ANKRD12: variants seen among roughly 807,000 people sequenced by gnomAD.
ANKRD12 encodes ankyrin repeat domain-containing protein 12.
ANKRD12 carries 85 observed loss-of-function variants against 183.4 expected under a neutral mutation model. That is an observed-to-expected ratio of 0.46 (90% confidence interval 0.39 to 0.56). The LOEUF is 0.56. Among genes scored for constraint, ANKRD12 ranks in the 20% least tolerant of loss-of-function variants. The pLI is 0.00. For missense variants in ANKRD12, 2,405 were observed against 2,357.1 expected (o/e 1.02, Z -0.42); for synonymous variants, 914 against 800.2 (o/e 1.14, Z -2.40).
intron 1 of ANKRD12, among the ~76,000 whole-genome samples, chr18:9,157,798 G>A (rs78793004): frequency 1.3e-5 from 2 of 151,808 alleles, no homozygotes; most frequent in East Asian, 3.9e-4. Context: ...CTTACAAATC[G>A]ATAGGAAAAT....
intron 1 of ANKRD12, among the ~76,000 whole-genome samples, chr18:9,152,139 C>T (rs1247859625): frequency 6.6e-6 from 1 of 152,074 alleles, no homozygotes; most frequent in Non-Finnish European, 1.5e-5. Flanking sequence ...GACTTCTGGA[C>T]AAAAGGGTAG....
chr18:9,165,962 C>T (rs1162902639), intron 1 of ANKRD12, among the ~76,000 whole-genome samples: 1 of 147,630 alleles, frequency 6.8e-6, no homozygotes, highest in Non-Finnish European at 1.5e-5. Context: ...TGAGTGAGAA[C>T]ATGCACTGTT....
chr18:9,184,122 T>C (rs2144212573), intron 2 of ANKRD12, among the ~76,000 whole-genome samples: 1 of 152,326 alleles, frequency 6.6e-6, no homozygotes, highest in South Asian at 2.1e-4. Flanking sequence ...ATAACATCGA[T>C]TACATCTAGA....
chr18:9,157,549 G>A (rs936546443), intron 1 of ANKRD12, among the ~76,000 whole-genome samples: 4 of 102,756 alleles, frequency 3.9e-5, no homozygotes, highest in African/African-American at 2.3e-4. Flanking sequence ...TGGTGTGTGT[G>A]GGTGTGTGTG....
At chr18:9,275,735 C>A (rs1462820107) in intron 11 of ANKRD12, 68 bp downstream of exon 11, 72 of 1,383,134 alleles carry the variant, frequency 5.2e-5, no homozygotes, top group Non-Finnish European at 6.6e-5. Flanking sequence ...TTTTTAGAAT[C>A]TATTTCCATA....
At position 9,281,081 on chromosome 18, in the gene ANKRD12, T is replaced by A; in HGVS notation, c.6144T>A (p.Val2048=). 6.2e-7 allele frequency: 1 copy of A among 1,614,040 alleles called. No individual in the cohort carries two copies. The highest frequency in any genetic ancestry group is 8.5e-7 in the Non-Finnish European group (1 of 1,179,990). ...ISIYEIQEFY[V]PLVDVNDDFE... ...TTTACGAAATCCAGGAGTTTTATGT[T>A]CCCCTTGTTGATGTTAACGACGACT... The change falls in exon 13 of 13, where the codon GTT becomes GTA. Residue 2048 remains valine, a synonymous_variant. Transcript: ENST00000262126.
In ANKRD12 at chr18:9,258,497, G is replaced by T. The variant is rs1317797546; in HGVS notation, c.5230G>T (p.Ala1744Ser). ...RMTRNKANTM[A>S]NQSKQILASC... ...GACTAGAAACAAAGCAAATACAATG[G>T]CAAATCAAAGCAAACAGATTCTTGC... Residue 1744 changes from alanine (A) to serine (S), a missense_variant, in exon 9 of 13, where the codon GCA (alanine) becomes TCA (serine). Transcript: ENST00000262126. The T allele has an allele frequency of 6.2e-7, 1 of 1,613,558 alleles. No homozygotes were observed. The highest frequency in any genetic ancestry group is 8.5e-7 in the Non-Finnish European group (1 of 1,179,932).
chr18:9,140,757 A>G (rs111318246), intron 1 of ANKRD12, among the ~76,000 whole-genome samples: 59 of 152,320 alleles, frequency 3.9e-4, no homozygotes, highest in African/African-American at 1.4e-3. Flanking sequence ...TTCAATTGAT[A>G]ATCCTGGAAA....
chr18:9,273,068 G>A (rs1225974514), intron 10 of ANKRD12, among the ~76,000 whole-genome samples: 1 of 152,106 alleles, frequency 6.6e-6, no homozygotes, highest in African/African-American at 2.4e-5. Flanking sequence ...TTAAACTGGC[G>A]AGTTCCTGGA....
At chr18:9,183,774 T>C (rs2033863478) in intron 2 of ANKRD12, among the ~76,000 whole-genome samples, 2 of 152,340 alleles carry the variant, frequency 1.3e-5, no homozygotes, top group Non-Finnish European at 2.9e-5. Context: ...TTGATTACAG[T>C]ACTTAGTCCA....
chr18:9,188,202 G>C (rs2034229371), intron 2 of ANKRD12, among the ~76,000 whole-genome samples: 1 of 152,210 alleles, frequency 6.6e-6, no homozygotes, highest in Non-Finnish European at 1.5e-5. Context: ...CTTCTCACAA[G>C]GGGGATGCAG....
chr18:9,258,948 C>T lies in ANKRD12; in HGVS notation c.5664+17C>T. On this transcript the variant is annotated intron_variant, in intron 9 of 12. Coordinates refer to ENST00000262126, the MANE Select transcript of ANKRD12 (RefSeq NM_015208.5). ...ATTCCCACAGTAAGTAACATCATCA[C>T]TTGCTATACACCTGTAACACTGCCC... The T allele has an allele frequency of 6.3e-7, 1 of 1,586,662 alleles. No homozygotes were observed.
At chr18:9,227,679 T>C (rs1446880843) in intron 8 of ANKRD12, among the ~76,000 whole-genome samples, 1 of 152,192 alleles carries the variant, frequency 6.6e-6, no homozygotes, top group African/African-American at 2.4e-5. Flanking sequence ...TTTTCCCCTT[T>C]TTTCACTATA....
In ANKRD12 at chr18:9,219,642, C is replaced by T. The variant is rs2036303312; in HGVS notation, c.796-2210C>T. Among the ~76,000 whole-genome samples the T allele has an allele frequency of 2.0e-5, 3 of 151,854 alleles. No individual in the cohort carries two copies. In the South Asian group the frequency reaches 6.2e-4, roughly 31 times the overall value. On this transcript the variant is annotated intron_variant, in intron 7 of 12. Transcript: ENST00000262126. ...CAACAGTCCTTTAAAAATATAAAAACTATTCTTAGCTGGCAGACCAGGTTG... is the reference window on the plus strand; with the variant it reads ...CAACAGTCCTTTAAAAATATAAAAATTATTCTTAGCTGGCAGACCAGGTTG...
chr18:9,254,770 A>G lies in ANKRD12; in HGVS notation c.1503A>G (p.Thr501=). ...EKEGKENTRI[T]NLTVNTGLDC... ...AAGGAAAAGAAAATACAAGAATAAC[A>G]AACTTGACAGTAAATACTGGACTAG... The change falls in exon 9 of 13, where the codon ACA becomes ACG. Residue 501 remains threonine, a synonymous_variant. Coordinates refer to ENST00000262126, the MANE Select transcript of ANKRD12 (RefSeq NM_015208.5). 6.8e-7 allele frequency: 1 copy of G among 1,471,550 alleles called. No homozygotes were observed. Among genetic ancestry groups the G allele is most frequent in the Non-Finnish European group, 9.0e-7 (1 of 1,112,362 alleles). The allele number at this position is 1,471,550 out of a possible 1,614,324, so 91.2% of individuals were successfully genotyped here.
intron 8 of ANKRD12, among the ~76,000 whole-genome samples, chr18:9,241,024 G>T (rs982399082): frequency 1.3e-5 from 2 of 152,070 alleles, no homozygotes; most frequent in Non-Finnish European, 2.9e-5. Context: ...AGTTCTAATA[G>T]TTAATAAGAG....
chr18:9,234,346 G>A (rs1196205882), intron 8 of ANKRD12, among the ~76,000 whole-genome samples: 11 of 152,128 alleles, frequency 7.2e-5, no homozygotes, highest in African/African-American at 9.7e-5. Flanking sequence ...GCGGGGCGAC[G>A]GGGGATCTCT....
chr18:9,180,603 T>C (rs2033631786), intron 1 of ANKRD12, among the ~76,000 whole-genome samples: 1 of 152,170 alleles, frequency 6.6e-6, no homozygotes, highest in South Asian at 2.1e-4. Flanking sequence ...TTTTGTATAG[T>C]TATTATATAG....
At chr18:9,192,399 T>G (rs1356637727) in intron 2 of ANKRD12, among the ~76,000 whole-genome samples, 10 of 152,220 alleles carry the variant, frequency 6.6e-5, no homozygotes, top group Non-Finnish European at 1.3e-4. Flanking sequence ...TGAGCCCTGC[T>G]TGATTATAAT....
Sources: gnomAD v4.1 joint callset for allele counts (sites outside exome capture counted in the v4.1 genomes callset) on GRCh38, gnomAD v4.1.1 for gene constraint, MANE v1.5 for transcripts, NCBI Gene and HGNC (gene_info 2026-07-23, HGNC 2026-07-21) for gene names.